SERINC5: variants seen among roughly 807,000 people sequenced by gnomAD.
SERINC5 encodes the protein serine incorporator 5.
In SERINC5, 41 loss-of-function variants were observed where a neutral mutation model predicts 63.1. The ratio of observed to expected loss-of-function variants is 0.65; its 90% confidence interval spans 0.51 to 0.84. SERINC5 has a LOEUF of 0.84. SERINC5 is among the 40% of genes least tolerant of loss of function. The probability of loss-of-function intolerance (pLI) is 0.00; values close to 1 mark genes in which losing one functional copy is unlikely to be tolerated. For missense variants in SERINC5, 523 were observed against 573.0 expected (o/e 0.91, Z 0.89); for synonymous variants, 222 against 215.2 (o/e 1.03, Z -0.28).
chr5:80,131,535 G>A (rs1744950143), intron 11 of SERINC5, among the ~76,000 whole-genome samples: 1 of 151,334 alleles, frequency 6.6e-6, no homozygotes. Context: ...GGGAGAGGGG[G>A]AAGGAGGAGC....
At chr5:80,214,931 G>A (rs1750597760) in intron 1 of SERINC5, among the ~76,000 whole-genome samples, 2 of 151,930 alleles carry the variant, frequency 1.3e-5, no homozygotes, top group African/African-American at 4.8e-5. Flanking sequence ...TTTTATGTAT[G>A]CATTTTTTAC....
chr5:80,229,341 ATTTTTTT>A (rs59664490), intron 1 of SERINC5, among the ~76,000 whole-genome samples: 1 of 120,226 alleles, frequency 8.3e-6, no homozygotes, highest in African/African-American at 3.2e-5. Context: ...TACTTACACA[ATTTTTTT>A]TTTTTTTTTT....
chr5:80,129,361 C>G (rs1744856025), intron 11 of SERINC5, among the ~76,000 whole-genome samples: 1 of 152,140 alleles, frequency 6.6e-6, no homozygotes, highest in African/African-American at 2.4e-5. Context: ...TGCAGTGATG[C>G]AATCATAGCT....
rs1251129311 is a variant in SERINC5 at position 80,169,420 on chromosome 5, G to A, written c.678C>T (p.Cys226=). 5.6e-6 allele frequency: 9 copies of A among 1,613,836 alleles called. No individual in the cohort carries two copies. The Admixed American group carries it at 1.2e-4, about 21-fold the overall frequency. Residue 226 remains cysteine (C), a synonymous_variant, in exon 6 of 12, where the codon TGC becomes TGT. Transcript: ENST00000507668. ...MAVFYTQKDS[C]MENKILLGVN... ...CTCCCAGCAGAATTTTGTTTTCCAT[G>A]CAGCTGTCTTTCTGTGTATAAAACA...
chr5:80,225,582 G>A (rs1269260957), intron 1 of SERINC5, among the ~76,000 whole-genome samples: 1 of 152,126 alleles, frequency 6.6e-6, no homozygotes, highest in Non-Finnish European at 1.5e-5. Context: ...ATAGCACCCT[G>A]CTGGATGAGT....
At chr5:80,152,694 A>G (rs112633015) in intron 8 of SERINC5, among the ~76,000 whole-genome samples, 5 of 152,208 alleles carry the variant, frequency 3.3e-5, no homozygotes, top group African/African-American at 1.2e-4. Context: ...TAATCCCAGC[A>G]CTTTGGGAGG....
intron 2 of SERINC5, among the ~76,000 whole-genome samples, chr5:80,197,362 A>AGAGAGG (rs1561417027): frequency 1.4e-5 from 1 of 71,256 alleles, no homozygotes; most frequent in Non-Finnish European, 3.0e-5. Flanking sequence ...AGAGAGAGAG[A>AGAGAGG]GAACGGACCA....
chr5:80,170,060 T>G (rs1015764996), intron 5 of SERINC5, among the ~76,000 whole-genome samples: 3 of 152,056 alleles, frequency 2.0e-5, no homozygotes, highest in African/African-American at 7.2e-5. Context: ...CCCTGAGATT[T>G]TAACTAGTGC....
intron 11 of SERINC5, among the ~76,000 whole-genome samples, chr5:80,144,969 A>G (rs2112299001): frequency 6.6e-6 from 1 of 151,410 alleles, no homozygotes; most frequent in South Asian, 2.1e-4. Flanking sequence ...GTGCCAGGGA[A>G]GGCCAGGTCA....
At chr5:80,233,685 A>T (rs1751555269) in intron 1 of SERINC5, among the ~76,000 whole-genome samples, 1 of 151,924 alleles carries the variant, frequency 6.6e-6, no homozygotes, top group South Asian at 2.1e-4. Context: ...AGTATCCCCA[A>T]AAGCAAATTC....
chr5:80,222,604 C>T lies in SERINC5; in HGVS notation c.28-19551G>A, dbSNP rs142240903. ...TGTGTGTGTTTGAGACGGAGTTTCG[C>T]TCTTGTTGTCCAGGCTGGAGTGCAA... On this transcript the variant is annotated intron_variant, in intron 1 of 11. Transcript: ENST00000507668. 7.4e-3 allele frequency among the ~76,000 whole-genome samples: 1,060 copies of T among 143,022 alleles called. 13 individuals are homozygous for T. Among genetic ancestry groups the T allele is most frequent in the African/African-American group, 0.026 (933 of 35,306 alleles). 93.8% of individuals were successfully genotyped at this position (143,022 alleles called of 152,430 possible). A position where few individuals can be genotyped will look rare whatever the true frequency, so the allele number is the denominator to read the frequency against.
At chr5:80,252,828 T>C (rs1015850187) in intron 1 of SERINC5, among the ~76,000 whole-genome samples, 13 of 152,170 alleles carry the variant, frequency 8.5e-5, no homozygotes, top group African/African-American at 2.4e-4. Context: ...GATTTCCAAA[T>C]TGAAACCCAG....
intron 1 of SERINC5, among the ~76,000 whole-genome samples, chr5:80,219,708 G>A (rs550976370): frequency 2.0e-5 from 3 of 152,134 alleles, no homozygotes; most frequent in South Asian, 2.1e-4. Context: ...TTACCCCTTC[G>A]CCCCCAGCTT....
chr5:80,122,240 C>G (rs896291427), intron 11 of SERINC5, among the ~76,000 whole-genome samples: 67 of 131,960 alleles, frequency 5.1e-4, no homozygotes, highest in African/African-American at 1.9e-3. Context: ...TATTAGCTCA[C>G]ACGATCACAA....
Position 80,142,988 on chromosome 5 carries a change from C to T in SERINC5, c.*675G>A, listed in dbSNP as rs1745600814. 13 of 985,308 alleles carry T rather than the reference C, an allele frequency of 1.3e-5. No homozygotes were observed. Among genetic ancestry groups the T allele is most frequent in the Non-Finnish European group, 1.6e-5 (13 of 829,952 alleles). 61.0% of individuals were successfully genotyped at this position (985,308 alleles called of 1,614,324 possible). On this transcript the variant is annotated 3_prime_UTR_variant, in exon 12 of 12. Transcript: ENST00000507668. ...TGATCAGACAAATTGTGCTTTTTCA[C>T]ATTATTACAAAGATGTGGGACCCAG...
At chr5:80,186,126 GAAAAAAAAAAAAAA>G (rs10554934) in intron 2 of SERINC5, among the ~76,000 whole-genome samples, 2,870 of 61,504 alleles carry the variant, frequency 0.047, 148 homozygotes, top group African/African-American at 0.14. Context: ...TTCTTGTTTT[GAAAAAAAAAAAAAA>G]AAAAAAAAAA....
At chr5:80,112,288 A>C (rs978657285) in intron 12 of SERINC5, among the ~76,000 whole-genome samples, 2 of 152,188 alleles carry the variant, frequency 1.3e-5, no homozygotes, top group East Asian at 1.9e-4. Context: ...ATTCTTTACT[A>C]CACTGAGATG....
At chr5:80,248,190 G>A (rs1375145742) in intron 1 of SERINC5, among the ~76,000 whole-genome samples, 2 of 152,142 alleles carry the variant, frequency 1.3e-5, no homozygotes, top group Admixed American at 6.6e-5. Context: ...GCACAGTTAA[G>A]AGATTAACAA....
chr5:80,169,559 G>A lies in SERINC5; in HGVS notation c.552-13C>T, dbSNP rs761686750. Reference sequence around the variant, plus strand: ...TGTGCCTGCTGTCCTGTTTCTCCGGGAAGTGGGTAAGAGGGAGAGGAGAGA... The same window carrying A: ...TGTGCCTGCTGTCCTGTTTCTCCGGAAAGTGGGTAAGAGGGAGAGGAGAGA... On this transcript the variant is annotated splice_polypyrimidine_tract_variant and intron_variant, in intron 5 of 11. Coordinates refer to ENST00000507668, the MANE Select transcript of SERINC5 (RefSeq NM_001174072.3). The A allele has an allele frequency of 2.5e-6, 4 of 1,603,634 alleles. No individual in the cohort carries two copies. In the African/African-American group the frequency reaches 5.4e-5, roughly 21 times the overall value.
Sources: allele counts gnomAD v4.1 joint callset (sites outside exome capture counted in the v4.1 genomes callset), GRCh38; gene constraint gnomAD v4.1.1; transcripts MANE v1.5; gene names NCBI Gene and HGNC (gene_info 2026-07-23, HGNC 2026-07-21).